Variants in TMEM163 observed in about 807,000 individuals in gnomAD.
The protein encoded by TMEM163 is transmembrane protein 163.
In TMEM163, 17 loss-of-function variants were observed where a neutral mutation model predicts 29.3. The ratio of observed to expected loss-of-function variants is 0.58; its 90% CI spans 0.40 to 0.87. The LOEUF is 0.87. Ranked by LOEUF, TMEM163 falls within the 40% of genes least tolerant of loss-of-function variation. The probability of loss-of-function intolerance (pLI) is 0.00; values close to 1 mark genes in which losing one functional copy is unlikely to be tolerated. For missense variants in TMEM163, 303 were observed against 381.5 expected, an observed-to-expected ratio of 0.79 and a Z score of 1.71; for synonymous variants, 157 against 160.6, an observed-to-expected ratio of 0.98 and a Z score of 0.17.
At chr2:134,466,562 A>G (rs1686673165) in intron 5 of TMEM163, 1 of 211,384 alleles carries the variant, frequency 4.7e-6, no homozygotes, top group African/African-American at 2.3e-5. Context: ...AGCATCTTCT[A>G]TATAGAATTT....
chr2:134,479,775 C>T (rs1687004981), intron 5 of TMEM163, among the ~76,000 whole-genome samples: 1 of 152,234 alleles, frequency 6.6e-6, no homozygotes, highest in Non-Finnish European at 1.5e-5. Context: ...GTGTCCCAAG[C>T]TCAGGGCTCC....
At chr2:134,457,881 T>C in intron 7 of TMEM163, 151 bp downstream of exon 7, 2 of 1,300,220 alleles carry the variant, frequency 1.5e-6, no homozygotes, top group Non-Finnish European at 2.1e-6. Context: ...TGCTGGGTGC[T>C]TTTCCAGTCA....
Position 134,498,354 on chromosome 2 carries a change from C to CTTTT in TMEM163, c.555+4543_555+4546dup, listed in dbSNP as rs765734718. Reference sequence around the variant, plus strand: ...GATGCTTGGTGCACTTGCATGTGGGCTTTTTTTTTTTTTTTTTTTTTGAGA... The same window carrying CTTTT: ...GATGCTTGGTGCACTTGCATGTGGGCTTTTTTTTTTTTTTTTTTTTTTTTTGAGA... On this transcript the variant is annotated intron_variant, in intron 5 of 7. Coordinates refer to ENST00000281924, the MANE Select transcript of TMEM163 (RefSeq NM_030923.5). Among the ~76,000 whole-genome samples the CTTTT allele has an allele frequency of 2.5e-4, 29 of 115,452 alleles. 1 individual carries two copies. Among genetic ancestry groups the CTTTT allele is most frequent in the African/African-American group, 4.3e-4 (13 of 30,088 alleles). 75.7% of individuals were successfully genotyped at this position (115,452 alleles called of 152,430 possible).
chr2:134,599,934 C>T (rs551336387), intron 2 of TMEM163, among the ~76,000 whole-genome samples: 143 of 151,152 alleles, frequency 9.5e-4, no homozygotes, highest in Non-Finnish European at 1.6e-3. Flanking sequence ...CATATATACA[C>T]ACACACACAC....
rs545422188 is a variant in TMEM163, at chr2:134,510,198, C to T, written c.459-7201G>A. ...ATGTACCTCAGAAAAAAAAGACCAT[C>T]GCTCCATGATGGCAGAGATATTGTT... On this transcript the variant is annotated intron_variant, in intron 4 of 7. Transcript: ENST00000281924. 5.3e-4 allele frequency among the ~76,000 whole-genome samples: 80 copies of T among 152,184 alleles called. 1 individual carries two copies. The highest frequency in any genetic ancestry group is 1.8e-3 in the African/African-American group (73 of 41,518).
At chr2:134,465,716 G>A (rs1686656887) in intron 6 of TMEM163, among the ~76,000 whole-genome samples, 1 of 152,130 alleles carries the variant, frequency 6.6e-6, no homozygotes, top group African/African-American at 2.4e-5. Context: ...CCCACTAGCT[G>A]GAAGGAAAAA....
At chr2:134,655,960 A>G (rs1683597513) in intron 2 of TMEM163, among the ~76,000 whole-genome samples, 1 of 145,044 alleles carries the variant, frequency 6.9e-6, no homozygotes, top group African/African-American at 2.8e-5. Context: ...AAGCTGTCAG[A>G]CAGGGACACT....
At chr2:134,670,489 C>T (rs1683969941) in intron 2 of TMEM163, among the ~76,000 whole-genome samples, 1 of 152,196 alleles carries the variant, frequency 6.6e-6, no homozygotes, top group South Asian at 2.1e-4. Context: ...CCTGATACTA[C>T]CCTTCCTCTA....
At chr2:134,495,325 C>T (rs576140060) in intron 5 of TMEM163, among the ~76,000 whole-genome samples, 3 of 152,226 alleles carry the variant, frequency 2.0e-5, no homozygotes, top group South Asian at 2.1e-4. Flanking sequence ...TGGAGGGGAG[C>T]GGCCCTGAGT....
At chr2:134,635,294 G>T (rs1051828013) in intron 2 of TMEM163, among the ~76,000 whole-genome samples, 1 of 152,074 alleles carries the variant, frequency 6.6e-6, no homozygotes, top group Admixed American at 6.5e-5. Context: ...CTCAGTAGAC[G>T]GCTCTTCTAT....
intron 5 of TMEM163, among the ~76,000 whole-genome samples, chr2:134,500,539 T>G (rs561365784): frequency 2.0e-5 from 3 of 152,162 alleles, no homozygotes; most frequent in African/African-American, 7.2e-5. Context: ...AGAGTTCTGA[T>G]GAGATGACCA....
chr2:134,587,435 A>G (rs1447866152), intron 2 of TMEM163, among the ~76,000 whole-genome samples: 1 of 152,096 alleles, frequency 6.6e-6, no homozygotes, highest in African/African-American at 2.4e-5. Flanking sequence ...AAAACAAAGT[A>G]TCACCCCCGT....
intron 2 of TMEM163, among the ~76,000 whole-genome samples, chr2:134,611,797 C>T (rs1682509192): frequency 6.6e-6 from 1 of 152,196 alleles, no homozygotes; most frequent in Admixed American, 6.5e-5. Flanking sequence ...ACACCTGCAG[C>T]CCTCTCAACG....
chr2:134,531,118 C>G (rs1680407052), intron 4 of TMEM163, among the ~76,000 whole-genome samples: 1 of 152,198 alleles, frequency 6.6e-6, no homozygotes, highest in Non-Finnish European at 1.5e-5. Context: ...GAAATATGTA[C>G]TGTGACTAAC....
intron 5 of TMEM163, among the ~76,000 whole-genome samples, chr2:134,492,224 T>C (rs1035658474): frequency 1.3e-5 from 2 of 152,214 alleles, no homozygotes; most frequent in Non-Finnish European, 1.5e-5. Flanking sequence ...TGTGTCACAA[T>C]CAGGAAAACA....
chr2:134,531,299 C>T (rs1047124235), intron 4 of TMEM163, among the ~76,000 whole-genome samples: 3 of 152,350 alleles, frequency 2.0e-5, no homozygotes, highest in Admixed American at 6.5e-5. Flanking sequence ...CCGTGACAGA[C>T]TTCTGTGACT....
intron 2 of TMEM163, among the ~76,000 whole-genome samples, chr2:134,681,590 T>C (rs1267320274): frequency 6.6e-6 from 1 of 152,158 alleles, no homozygotes; most frequent in Non-Finnish European, 1.5e-5. Context: ...CCTCCGTCTG[T>C]AAGTCCTACC....
At chr2:134,532,060 T>C (rs1416755744) in intron 4 of TMEM163, among the ~76,000 whole-genome samples, 2 of 152,196 alleles carry the variant, frequency 1.3e-5, no homozygotes, top group African/African-American at 4.8e-5. Context: ...AATACGTATT[T>C]CATAATATCA....
chr2:134,512,184 G>A (rs529293393), intron 4 of TMEM163, among the ~76,000 whole-genome samples: 13 of 152,306 alleles, frequency 8.5e-5, no homozygotes, highest in Admixed American at 5.9e-4. Flanking sequence ...AGGCCCAGGC[G>A]CAATGTCTCA....
Sources: allele counts gnomAD v4.1 joint callset (sites outside exome capture counted in the v4.1 genomes callset), GRCh38; gene constraint gnomAD v4.1.1; transcripts MANE v1.5; gene names NCBI Gene and HGNC (gene_info 2026-07-23, HGNC 2026-07-21).